Variants in FOXP2 observed in about 807,000 individuals in gnomAD.
The protein encoded by FOXP2 is forkhead box P2.
FOXP2 carries 12 observed loss-of-function variants against 115.8 expected under a neutral mutation model. That is an observed-to-expected ratio of 0.10 (90% confidence interval 0.07 to 0.17). The LOEUF (loss-of-function observed/expected upper bound fraction) is 0.17. Ranked by LOEUF, FOXP2 falls within the 10% of genes least tolerant of loss-of-function variation. FOXP2 has a pLI of 1.00. For missense variants in FOXP2, 629 were observed against 843.5 expected, an observed-to-expected ratio of 0.75 and a Z score of 3.15; for synonymous variants, 328 against 297.7, an observed-to-expected ratio of 1.10 and a Z score of -1.05.
At chr7:114,499,046 C>G (rs1265552508) in intron 2 of FOXP2, 1 of 619,460 alleles carries the variant, frequency 1.6e-6, no homozygotes, top group South Asian at 2.0e-5. Context: ...CTCCCTAGAC[C>G]TACTGAATCA....
At chr7:114,193,836 T>G (rs1345871163) in intron 1 of FOXP2, among the ~76,000 whole-genome samples, 2 of 152,246 alleles carry the variant, frequency 1.3e-5, no homozygotes, top group African/African-American at 4.8e-5. Context: ...GAAATCAGAG[T>G]TAGTGACGGA....
intron 1 of FOXP2, among the ~76,000 whole-genome samples, chr7:114,266,533 C>T (rs1400060246): frequency 6.6e-6 from 1 of 152,036 alleles, no homozygotes; most frequent in Non-Finnish European, 1.5e-5. Context: ...GGGAGAAGTA[C>T]CACACACTTA....
chr7:114,158,381 C>T (rs1792728581), upstream of FOXP2, among the ~76,000 whole-genome samples: 1 of 151,486 alleles, frequency 6.6e-6, no homozygotes, highest in Non-Finnish European at 1.5e-5. Context: ...TTAATATGAA[C>T]TTAGTTGTTA....
intron 7 of FOXP2, among the ~76,000 whole-genome samples, chr7:114,642,922 C>T (rs1482232901): frequency 6.7e-6 from 1 of 149,646 alleles, no homozygotes; most frequent in Non-Finnish European, 1.5e-5. Context: ...CATTCTCCTG[C>T]CCCAGCCTCC....
At position 114,691,238 on chromosome 7, in the gene FOXP2, G is replaced by A. The variant is rs1808652730; in HGVS notation, c.*1312G>A. 2.2e-6 allele frequency: 1 copy of A among 453,468 alleles called. No individual in the cohort carries two copies. The highest frequency in any genetic ancestry group is 2.0e-5 in the African/African-American group (1 of 49,894). The allele number at this position is 453,468 out of a possible 1,614,324, so 28.1% of individuals were successfully genotyped here. On this transcript the variant is annotated 3_prime_UTR_variant, in exon 17 of 17. Coordinates refer to ENST00000350908, the MANE Select transcript of FOXP2 (RefSeq NM_014491.4). Reference sequence around the variant, plus strand: ...CTTGTATGGTCTTAATCTTTGTTGTGTACTATTTTTTTATAGTCTTAAGTT... The same window carrying A: ...CTTGTATGGTCTTAATCTTTGTTGTATACTATTTTTTTATAGTCTTAAGTT...
At chr7:114,646,615 CT>C (rs903513300) in intron 8 of FOXP2, among the ~76,000 whole-genome samples, 1 of 151,964 alleles carries the variant, frequency 6.6e-6, no homozygotes, top group Non-Finnish European at 1.5e-5. Context: ...GTTTTAAAGC[CT>C]TTTTTTAGTC....
At chr7:114,557,269 C>T (rs1440129058) in intron 3 of FOXP2, among the ~76,000 whole-genome samples, 1 of 152,136 alleles carries the variant, frequency 6.6e-6, no homozygotes, top group Non-Finnish European at 1.5e-5. Flanking sequence ...GCCAGCCATC[C>T]TGAAAGCCAT....
intron 1 of FOXP2, among the ~76,000 whole-genome samples, chr7:114,210,120 C>A (rs1188317915): frequency 6.6e-6 from 1 of 152,194 alleles, no homozygotes; most frequent in African/African-American, 2.4e-5. Context: ...CCTTAGCAAG[C>A]CTACTTCTGT....
At chr7:114,620,669 A>G (rs1217025541) in intron 3 of FOXP2, among the ~76,000 whole-genome samples, 1 of 152,070 alleles carries the variant, frequency 6.6e-6, no homozygotes, top group South Asian at 2.1e-4. Flanking sequence ...TCTAGCCAAC[A>G]TAATTTACAA....
At chr7:114,445,064 T>G (rs1794773828) in intron 2 of FOXP2, among the ~76,000 whole-genome samples, 1 of 152,020 alleles carries the variant, frequency 6.6e-6, no homozygotes, top group Non-Finnish European at 1.5e-5. Context: ...TTTTTTTCTA[T>G]TCAACTATTT....
At chr7:114,097,637 T>C (rs1020270908) in intron 1 of FOXP2, among the ~76,000 whole-genome samples, 1 of 152,124 alleles carries the variant, frequency 6.6e-6, no homozygotes, top group African/African-American at 2.4e-5. Context: ...AATTTAATCT[T>C]GAGGTCTTCA....
chr7:114,258,505 C>G (rs531047936), intron 1 of FOXP2, among the ~76,000 whole-genome samples: 1 of 152,242 alleles, frequency 6.6e-6, no homozygotes, highest in South Asian at 2.1e-4. Flanking sequence ...AACACCAGAA[C>G]TTTATGACAG....
chr7:114,320,278 T>C (rs1161148140), intron 2 of FOXP2, among the ~76,000 whole-genome samples: 1 of 152,202 alleles, frequency 6.6e-6, no homozygotes, highest in African/African-American at 2.4e-5. Context: ...GCCTCTTGCC[T>C]CAGTTTTCTC....
chr7:114,297,380 C>T, intron 2 of FOXP2: 1 of 717,928 alleles, frequency 1.4e-6, no homozygotes, highest in Non-Finnish European at 2.3e-6. Context: ...TCTTGGTCAC[C>T]TTGTGGCCCT....
At chr7:114,157,463 A>T (rs1177716388) in intron 1 of FOXP2, among the ~76,000 whole-genome samples, 1 of 152,126 alleles carries the variant, frequency 6.6e-6, no homozygotes, top group East Asian at 1.9e-4. Flanking sequence ...TTAAGACTCT[A>T]AAAAAATCAA....
At chr7:114,165,133 G>T (rs1014176012) in intron 1 of FOXP2, among the ~76,000 whole-genome samples, 16 of 152,130 alleles carry the variant, frequency 1.1e-4, no homozygotes, top group African/African-American at 2.9e-4. Context: ...CATTCTGTTT[G>T]TTCACCTGTC....
intron 2 of FOXP2, among the ~76,000 whole-genome samples, chr7:114,300,680 C>T (rs1311497880): frequency 6.6e-6 from 1 of 151,980 alleles, no homozygotes; most frequent in African/African-American, 2.4e-5. Flanking sequence ...TGTTTCTGCT[C>T]AGAATTTTAA....
intron 16 of FOXP2, among the ~76,000 whole-genome samples, chr7:114,676,863 A>G (rs1477313303): frequency 1.3e-5 from 2 of 152,190 alleles, no homozygotes; most frequent in Non-Finnish European, 2.9e-5. Context: ...AATTAACATC[A>G]CATTGCTGGA....
chr7:114,601,255 C>G (rs527984225), intron 3 of FOXP2, among the ~76,000 whole-genome samples: 8 of 152,082 alleles, frequency 5.3e-5, no homozygotes, highest in Non-Finnish European at 7.4e-5. Flanking sequence ...TGTGAGCCAC[C>G]ACACTTGGCC....
Sources: allele counts gnomAD v4.1 joint callset (sites outside exome capture counted in the v4.1 genomes callset), GRCh38; gene constraint gnomAD v4.1.1; transcripts MANE v1.5; gene names NCBI Gene and HGNC (gene_info 2026-07-23, HGNC 2026-07-21).